Variants in KCNT2 observed in about 807,000 individuals in gnomAD.
KCNT2 encodes potassium channel subfamily T member 2.
KCNT2 carries 67 observed loss-of-function variants against 153.8 expected under a neutral mutation model. That is an observed-to-expected ratio of 0.44 (90% CI 0.36 to 0.53). KCNT2 has a LOEUF of 0.53. Among genes scored for constraint, KCNT2 ranks in the 20% least tolerant of loss-of-function variants. KCNT2 has a pLI of 0.00. For synonymous variants in KCNT2, 500 were observed against 458.8 expected (o/e 1.09, Z -1.15); for missense variants, 975 against 1,354.8 (o/e 0.72, Z 4.40).
chr1:196,358,345 T>G (rs921604729), intron 14 of KCNT2, among the ~76,000 whole-genome samples: 3 of 151,852 alleles, frequency 2.0e-5, no homozygotes, highest in African/African-American at 4.8e-5. Context: ...GAATAATAAT[T>G]ATCATTATTT....
At chr1:196,332,209 G>A (rs1664533908) in intron 17 of KCNT2, among the ~76,000 whole-genome samples, 1 of 152,058 alleles carries the variant, frequency 6.6e-6, no homozygotes, top group Admixed American at 6.6e-5. Context: ...GTAAAATTTT[G>A]TAAATTTAGA....
intron 14 of KCNT2, among the ~76,000 whole-genome samples, chr1:196,354,362 G>A (rs1667003674): frequency 6.6e-6 from 1 of 151,560 alleles, no homozygotes; most frequent in Admixed American, 6.6e-5. Flanking sequence ...ATTTACTTCA[G>A]ATTCACCAAA....
intron 8 of KCNT2, among the ~76,000 whole-genome samples, chr1:196,446,070 T>G (rs1229305878): frequency 1.3e-5 from 2 of 151,438 alleles, no homozygotes; most frequent in Non-Finnish European, 3.0e-5. Flanking sequence ...ATGACTTTAA[T>G]TTTTAGAAAA....
intron 24 of KCNT2, 27 bp from the exon 25 acceptor site, chr1:196,281,015 A>G (rs756650487): frequency 6.4e-7 from 1 of 1,564,952 alleles, no homozygotes; most frequent in South Asian, 1.1e-5. Flanking sequence ...TTATTTACAT[A>G]TTAAATGTGT....
intron 14 of KCNT2, among the ~76,000 whole-genome samples, chr1:196,358,705 T>G (rs906704318): frequency 3.3e-5 from 5 of 151,962 alleles, no homozygotes; most frequent in Admixed American, 6.6e-5. Flanking sequence ...AAATCTATGT[T>G]TACTAATGAG....
chr1:196,353,264 C>A (rs115825282), intron 14 of KCNT2, among the ~76,000 whole-genome samples: 3,907 of 151,986 alleles, frequency 0.026, 78 homozygotes, highest in Non-Finnish European at 0.04. Flanking sequence ...GGCAGACATC[C>A]TATTTTCCAT....
Position 196,423,128 on chromosome 1 carries a change from A to G in KCNT2, c.1122-15T>C. ...CGTCATCCATCCTAAATACAGATGG[A>G]AAAACAAAATAATCACACACTGAAA... is the stretch of plus-strand genomic sequence containing the variant. On this transcript the variant is annotated splice_polypyrimidine_tract_variant and intron_variant, in intron 11 of 27. Transcript: ENST00000294725. The G allele has an allele frequency of 6.4e-7, 1 of 1,563,678 alleles. No homozygotes were observed. The highest frequency in any genetic ancestry group is 2.3e-5 in the East Asian group (1 of 43,914).
intron 1 of KCNT2, among the ~76,000 whole-genome samples, chr1:196,531,246 T>C (rs924151620): frequency 1.3e-5 from 2 of 152,022 alleles, no homozygotes; most frequent in Non-Finnish European, 2.9e-5. Context: ...TCAGTGAAAA[T>C]ACATTCTTGC....
chr1:196,340,478 A>C lies in KCNT2; in HGVS notation c.1646T>G (p.Ile549Arg). 3 of 1,611,638 alleles carry C rather than the reference A, an allele frequency of 1.9e-6. No individual in the cohort carries two copies. Among genetic ancestry groups the C allele is most frequent in the Non-Finnish European group, 2.5e-6 (3 of 1,178,240 alleles). ...TTTGGTAATATTAATATAAAAGCAT[A>C]TGTCTGTAGAATTCATAATGTATCG... ...GPRYIMNSTD[I>R]CFYINITKEE... The change falls in exon 16 of 28, where the codon ATA becomes AGA. Residue 549 changes from isoleucine to arginine, a missense_variant. This residue lies in a region of KCNT2 where 325 missense variants were observed against 388.1 expected (regional missense o/e 0.84). Transcript: ENST00000294725.
intron 13 of KCNT2, among the ~76,000 whole-genome samples, chr1:196,389,967 A>T (rs919186175): frequency 2.6e-5 from 4 of 151,410 alleles, no homozygotes; most frequent in African/African-American, 9.7e-5. Flanking sequence ...TCTGCTTATG[A>T]TTCTTTGGTT....
intron 11 of KCNT2, among the ~76,000 whole-genome samples, chr1:196,423,879 T>C (rs1032762935): frequency 6.6e-6 from 1 of 151,910 alleles, no homozygotes; most frequent in Admixed American, 6.6e-5. Flanking sequence ...CATTTTCAAC[T>C]AAACAATTCA....
At chr1:196,349,538 A>G (rs1666439137) in intron 14 of KCNT2, among the ~76,000 whole-genome samples, 1 of 152,066 alleles carries the variant, frequency 6.6e-6, no homozygotes, top group Non-Finnish European at 1.5e-5. Flanking sequence ...GGGCCTCTGT[A>G]TGACATCACT....
intron 26 of KCNT2, among the ~76,000 whole-genome samples, chr1:196,248,930 A>G (rs949464285): frequency 6.6e-6 from 1 of 152,188 alleles, no homozygotes; most frequent in African/African-American, 2.4e-5. Flanking sequence ...AACAGACTGA[A>G]TTCAACAGCA....
intron 1 of KCNT2, among the ~76,000 whole-genome samples, chr1:196,540,445 G>A (rs553565078): frequency 6.6e-6 from 1 of 152,286 alleles, no homozygotes; most frequent in East Asian, 1.9e-4. Context: ...AAGGAAGCTA[G>A]ATGGAGCAAA....
chr1:196,600,026 A>G (rs4658044), intron 1 of KCNT2, among the ~76,000 whole-genome samples: 149,698 of 152,322 alleles, frequency 0.98, 73,604 homozygotes, highest in Middle Eastern at 1. Flanking sequence ...TGTATATGCA[A>G]TGGTTCCTCC....
Position 196,535,163 on chromosome 1 carries a change from T to C in KCNT2, c.96-42822A>G, listed in dbSNP as rs548087379. 9.9e-5 allele frequency among the ~76,000 whole-genome samples: 15 copies of C among 152,276 alleles called. No homozygotes were observed. The South Asian group carries it at 3.1e-3, about 32-fold the overall frequency. ...CACAACTCTGGATGTTCTCACAAAATCAGAGTCCCAACATTCTAGGAGGAG... is the reference window on the plus strand; with the variant it reads ...CACAACTCTGGATGTTCTCACAAAACCAGAGTCCCAACATTCTAGGAGGAG... On this transcript the variant is annotated intron_variant, in intron 1 of 27. Coordinates refer to ENST00000294725, the MANE Select transcript of KCNT2 (RefSeq NM_198503.5).
intron 17 of KCNT2, among the ~76,000 whole-genome samples, chr1:196,331,807 C>G (rs1664493275): frequency 6.6e-6 from 1 of 152,022 alleles, no homozygotes; most frequent in Non-Finnish European, 1.5e-5. Context: ...TTTGCTCTAT[C>G]AATATTCATT....
In KCNT2 at chr1:196,401,027, G is replaced by A. The variant is rs146992100; in HGVS notation, c.1186-2356C>T. ...GGAACAACCAGAGCCACCAGACACAGGAAAAGGGAGAGGCAACAAAGAGAA... is the reference window on the plus strand; with the variant it reads ...GGAACAACCAGAGCCACCAGACACAAGAAAAGGGAGAGGCAACAAAGAGAA... On this transcript the variant is annotated intron_variant, in intron 12 of 27. Transcript: ENST00000294725. 2.0e-5 allele frequency among the ~76,000 whole-genome samples: 3 copies of A among 151,882 alleles called. No homozygotes were observed. In the East Asian group the frequency reaches 5.9e-4, roughly 30 times the overall value.
At chr1:196,499,077 G>A (rs1231747011) in intron 1 of KCNT2, among the ~76,000 whole-genome samples, 1 of 152,138 alleles carries the variant, frequency 6.6e-6, no homozygotes, top group African/African-American at 2.4e-5. Flanking sequence ...ATATGCAGAA[G>A]GAAGATGGTC....
Sources: allele counts gnomAD v4.1 joint callset (sites outside exome capture counted in the v4.1 genomes callset), GRCh38; gene constraint gnomAD v4.1.1; regional missense constraint gnomAD v4.1.1; transcripts MANE v1.5; gene names NCBI Gene and HGNC (gene_info 2026-07-23, HGNC 2026-07-21).